Variants in ELMO1 observed in about 807,000 individuals in gnomAD.
ELMO1 encodes the protein engulfment and cell motility 1, also known as engulfment and cell motility protein 1.
ELMO1 carries 26 observed loss-of-function variants against 98.9 expected under a neutral mutation model. The observed-to-expected ratio is 0.26, with a 90% confidence interval of 0.19 to 0.36. ELMO1 has a LOEUF of 0.36. Ranked by LOEUF, ELMO1 falls within the 10% of genes least tolerant of loss-of-function variation. The probability of loss-of-function intolerance (pLI) is 1.00; values close to 1 mark genes in which losing one functional copy is unlikely to be tolerated. For missense variants in ELMO1, 627 were observed against 935.2 expected, an observed-to-expected ratio of 0.67 and a Z score of 4.30; for synonymous variants, 346 against 346.0, an observed-to-expected ratio of 1.00 and a Z score of 0.00.
In ELMO1 at chr7:37,178,220, C is replaced by T. The variant is rs565043328; in HGVS notation, c.1086+33166G>A. 9.9e-5 allele frequency among the ~76,000 whole-genome samples: 15 copies of T among 151,698 alleles called. No individual in the cohort carries two copies. The South Asian group carries it at 1.5e-3, about 15-fold the overall frequency. Reference sequence around the variant, plus strand: ...GGCTGGGGAGGCCTCACAATCATGGCGGAAGGTCAAAGGCATGTCTTACAC... The same window carrying T: ...GGCTGGGGAGGCCTCACAATCATGGTGGAAGGTCAAAGGCATGTCTTACAC... On this transcript the variant is annotated intron_variant, in intron 13 of 21. Coordinates refer to ENST00000310758, the MANE Select transcript of ELMO1 (RefSeq NM_014800.11).
At chr7:37,188,658 A>C (rs886382773) in intron 13 of ELMO1, among the ~76,000 whole-genome samples, 2 of 152,086 alleles carry the variant, frequency 1.3e-5, no homozygotes, top group Non-Finnish European at 2.9e-5. Context: ...TAGAGTTATG[A>C]AACGGCCTAG....
At chr7:37,158,706 A>G (rs1047557639) in intron 13 of ELMO1, among the ~76,000 whole-genome samples, 1 of 152,188 alleles carries the variant, frequency 6.6e-6, no homozygotes, top group South Asian at 2.1e-4. Context: ...ACTGTTGGTG[A>G]GACTGTAAAC....
chr7:37,181,776 A>T (rs1471320670), intron 13 of ELMO1, among the ~76,000 whole-genome samples: 1 of 152,346 alleles, frequency 6.6e-6, no homozygotes, highest in Admixed American at 6.5e-5. Context: ...AGCTGACTAA[A>T]GTCAGTACTT....
At chr7:37,375,402 C>T (rs1802292925) in intron 1 of ELMO1, 1 of 597,148 alleles carries the variant, frequency 1.7e-6, no homozygotes, top group Non-Finnish European at 3.0e-6. Flanking sequence ...AATTCAGGCC[C>T]CTCCCATAGA....
At chr7:37,152,026 T>G (rs941266443) in intron 13 of ELMO1, among the ~76,000 whole-genome samples, 3 of 152,134 alleles carry the variant, frequency 2.0e-5, no homozygotes, top group African/African-American at 7.2e-5. Flanking sequence ...AGTAATAACC[T>G]TGATGAAGGA....
intron 1 of ELMO1, among the ~76,000 whole-genome samples, chr7:37,394,432 C>T (rs1158767018): frequency 6.6e-6 from 1 of 152,176 alleles, no homozygotes; most frequent in Non-Finnish European, 1.5e-5. Context: ...AGAGCCTACA[C>T]CTGGGCTGAT....
intron 4 of ELMO1, among the ~76,000 whole-genome samples, chr7:37,296,486 T>TGA (rs919599703): frequency 1.1e-4 from 16 of 152,346 alleles, no homozygotes; most frequent in Middle Eastern, 3.4e-3. Flanking sequence ...CCAAATCGAC[T>TGA]GATTGAAGAC....
At chr7:37,273,881 G>A (rs375613581) in intron 4 of ELMO1, among the ~76,000 whole-genome samples, 8 of 152,296 alleles carry the variant, frequency 5.3e-5, no homozygotes, top group East Asian at 3.9e-4. Flanking sequence ...CAATTCTGAC[G>A]ATTTTTTGGA....
At chr7:37,297,880 G>A (rs1376152910) in intron 4 of ELMO1, among the ~76,000 whole-genome samples, 1 of 152,170 alleles carries the variant, frequency 6.6e-6, no homozygotes, top group Non-Finnish European at 1.5e-5. Context: ...GTCTAGAGCT[G>A]TGAAACAATG....
intron 13 of ELMO1, among the ~76,000 whole-genome samples, chr7:37,186,439 A>T (rs1791210205): frequency 6.6e-6 from 1 of 152,172 alleles, no homozygotes; most frequent in African/African-American, 2.4e-5. Context: ...AAGCAATAAA[A>T]ATAAAAAACA....
At chr7:37,246,496 G>T (rs1056330871) in intron 6 of ELMO1, among the ~76,000 whole-genome samples, 5 of 152,132 alleles carry the variant, frequency 3.3e-5, no homozygotes, top group Non-Finnish European at 4.4e-5. Flanking sequence ...GATACCATGT[G>T]CCATCAACAG....
intron 4 of ELMO1, among the ~76,000 whole-genome samples, chr7:37,279,386 G>A (rs1009259761): frequency 3.3e-5 from 5 of 152,084 alleles, no homozygotes; most frequent in Non-Finnish European, 5.9e-5. Context: ...GCGGAAGCTC[G>A]CTTTGTGGAT....
intron 5 of ELMO1, among the ~76,000 whole-genome samples, chr7:37,268,480 T>C (rs1449283632): frequency 6.6e-6 from 1 of 152,180 alleles, no homozygotes. Flanking sequence ...TTTGTATTTT[T>C]AGTAGTGATG....
At chr7:37,418,149 T>C (rs761058857) in intron 1 of ELMO1, among the ~76,000 whole-genome samples, 1 of 152,212 alleles carries the variant, frequency 6.6e-6, no homozygotes, top group Admixed American at 6.5e-5. Flanking sequence ...TACTCTTTCC[T>C]GCCTCCATTT....
intron 5 of ELMO1, among the ~76,000 whole-genome samples, chr7:37,263,634 C>A (rs993236663): frequency 6.6e-6 from 1 of 152,186 alleles, no homozygotes; most frequent in African/African-American, 2.4e-5. Flanking sequence ...AAGGAGAGAT[C>A]TGACTGACAA....
intron 15 of ELMO1, among the ~76,000 whole-genome samples, chr7:37,067,460 A>C (rs1199218572): frequency 1.3e-5 from 2 of 152,220 alleles, no homozygotes; most frequent in African/African-American, 4.8e-5. Flanking sequence ...TCATATTCTA[A>C]TTATTGTATT....
chr7:37,303,491 G>A (rs1348739168), intron 4 of ELMO1, among the ~76,000 whole-genome samples: 3 of 152,122 alleles, frequency 2.0e-5, no homozygotes, highest in African/African-American at 7.2e-5. Flanking sequence ...ACATGAACAG[G>A]AGTATGCTTA....
intron 15 of ELMO1, among the ~76,000 whole-genome samples, chr7:37,055,987 A>T (rs1172568964): frequency 6.6e-6 from 1 of 152,232 alleles, no homozygotes. Context: ...AATTAATCAC[A>T]AGACATTCAG....
chr7:37,184,765 T>G (rs933504750), intron 13 of ELMO1, among the ~76,000 whole-genome samples: 1 of 151,838 alleles, frequency 6.6e-6, no homozygotes, highest in Non-Finnish European at 1.5e-5. Context: ...AGACAAAAAT[T>G]AGCCCTGGTG....
Sources: allele counts gnomAD v4.1 joint callset (sites outside exome capture counted in the v4.1 genomes callset), GRCh38; gene constraint gnomAD v4.1.1; transcripts MANE v1.5; gene names NCBI Gene and HGNC (gene_info 2026-07-23, HGNC 2026-07-21).